DOCK2: variants seen among roughly 807,000 people sequenced by gnomAD.
DOCK2 encodes the protein dedicator of cytokinesis protein 2.
DOCK2 carries 87 observed loss-of-function variants against 248.9 expected under a neutral mutation model. The observed-to-expected ratio is 0.35, with a 90% CI of 0.29 to 0.42. The LOEUF is 0.42. DOCK2 is among the 10% of genes least tolerant of loss of function. The pLI is 1.00. For missense variants in DOCK2, 1,747 were observed against 2,300.2 expected (o/e 0.76, Z 4.92); for synonymous variants, 805 against 821.6 (o/e 0.98, Z 0.35).
At chr5:170,026,462 A>C (rs1419113345) in intron 33 of DOCK2, among the ~76,000 whole-genome samples, 1 of 152,156 alleles carries the variant, frequency 6.6e-6, no homozygotes. Context: ...GGGTGTAAAG[A>C]GGTCAAGTTA....
intron 17 of DOCK2, 77 bp from the exon 18 acceptor site, chr5:169,713,951 A>C: frequency 1.4e-6 from 2 of 1,460,022 alleles, no homozygotes; most frequent in South Asian, 3.0e-5. Context: ...CACAGTGTCT[A>C]ATTTGTCTGC....
intron 26 of DOCK2, among the ~76,000 whole-genome samples, chr5:169,813,964 G>A (rs968818193): frequency 1.3e-5 from 2 of 152,202 alleles, no homozygotes; most frequent in African/African-American, 2.4e-5. Context: ...TTGGCCTTAA[G>A]TAGGACATAA....
rs565564691 is a variant in DOCK2, at chr5:170,050,592, A to G, written c.4213+195A>G. ...TTTCTGGACTCTTCATGATCCTGGCATCTTGAGCTCTGTTTGCTTTGGAAA... is the reference window on the plus strand; with the variant it reads ...TTTCTGGACTCTTCATGATCCTGGCGTCTTGAGCTCTGTTTGCTTTGGAAA... On this transcript the variant is annotated intron_variant, in intron 41 of 51. Coordinates refer to ENST00000520908, the MANE Select transcript of DOCK2 (RefSeq NM_004946.3). Among the ~76,000 whole-genome samples the G allele has an allele frequency of 2.0e-5, 3 of 152,320 alleles. No individual in the cohort carries two copies. The South Asian group carries it at 6.2e-4, about 32-fold the overall frequency.
intron 27 of DOCK2, among the ~76,000 whole-genome samples, chr5:169,960,408 T>A (rs920166167): frequency 1.3e-5 from 2 of 152,222 alleles, no homozygotes; most frequent in African/African-American, 4.8e-5. Flanking sequence ...CCATTGATAA[T>A]ATTAATATGT....
intron 27 of DOCK2, among the ~76,000 whole-genome samples, chr5:169,864,099 G>T (rs1262318513): frequency 6.6e-6 from 1 of 152,322 alleles, no homozygotes; most frequent in East Asian, 1.9e-4. Context: ...GGTAAGGATC[G>T]TGGTCAGGTG....
intron 25 of DOCK2, among the ~76,000 whole-genome samples, chr5:169,778,385 T>C (rs555770366): frequency 1.5e-4 from 23 of 152,304 alleles, no homozygotes; most frequent in Non-Finnish European, 3.2e-4. Context: ...TTCTTATAAA[T>C]ATTGGTTGGG....
intron 6 of DOCK2, among the ~76,000 whole-genome samples, chr5:169,678,958 T>C (rs1266964617): frequency 6.6e-6 from 1 of 151,994 alleles, no homozygotes. Context: ...ATGTGGGAGA[T>C]GAGAGGTTGA....
chr5:170,035,379 C>A (rs60696759), intron 35 of DOCK2, among the ~76,000 whole-genome samples: 3,421 of 152,274 alleles, frequency 0.022, 56 homozygotes, highest in African/African-American at 0.043. Flanking sequence ...GTGTGGCCTC[C>A]CTTTACCCTA....
At chr5:169,655,409 G>T (rs1325698705) in intron 2 of DOCK2, among the ~76,000 whole-genome samples, 1 of 152,208 alleles carries the variant, frequency 6.6e-6, no homozygotes, top group Non-Finnish European at 1.5e-5. Flanking sequence ...CCCTGGGGAG[G>T]GAGTGACGGT....
intron 27 of DOCK2, among the ~76,000 whole-genome samples, chr5:169,899,174 A>G (rs1773781967): frequency 6.6e-6 from 1 of 152,224 alleles, no homozygotes; most frequent in Non-Finnish European, 1.5e-5. Context: ...ATGTTAGCAA[A>G]GAGGAGAATG....
chr5:170,052,766 G>A (rs1020501011), intron 41 of DOCK2, among the ~76,000 whole-genome samples: 20 of 152,040 alleles, frequency 1.3e-4, no homozygotes, highest in African/African-American at 4.6e-4. Flanking sequence ...CATTTTACAC[G>A]CATTGTTGTT....
intron 27 of DOCK2, among the ~76,000 whole-genome samples, chr5:169,920,751 C>A (rs1775128499): frequency 6.6e-6 from 1 of 152,174 alleles, no homozygotes; most frequent in African/African-American, 2.4e-5. Flanking sequence ...ATAGCTGGAA[C>A]TTGGCCCTTC....
intron 45 of DOCK2, among the ~76,000 whole-genome samples, chr5:170,068,708 C>T (rs1403152497): frequency 1.3e-5 from 2 of 152,186 alleles, no homozygotes; most frequent in East Asian, 1.9e-4. Context: ...CAGTGAGATT[C>T]CTTACTGAAT....
intron 25 of DOCK2, among the ~76,000 whole-genome samples, chr5:169,784,722 T>G (rs1188263442): frequency 6.6e-6 from 1 of 152,234 alleles, no homozygotes; most frequent in Non-Finnish European, 1.5e-5. Flanking sequence ...TTAATATAAG[T>G]GTTTATTTTT....
At chr5:169,728,148 G>T (rs73318247) in intron 22 of DOCK2, among the ~76,000 whole-genome samples, 14,046 of 152,234 alleles carry the variant, frequency 0.092, 1,214 homozygotes, top group Admixed American at 0.28. Context: ...GGACTTTCTG[G>T]TCCATTTGAC....
chr5:169,994,642 A>G (rs1778290960), intron 29 of DOCK2, among the ~76,000 whole-genome samples: 1 of 152,210 alleles, frequency 6.6e-6, no homozygotes. Context: ...ACTTTCAGAG[A>G]TGAGAAGGCA....
At chr5:169,900,732 A>G (rs1032488606) in intron 27 of DOCK2, among the ~76,000 whole-genome samples, 1 of 152,158 alleles carries the variant, frequency 6.6e-6, no homozygotes, top group Non-Finnish European at 1.5e-5. Context: ...GTTGCCCACT[A>G]TCTTTCAATA....
chr5:170,056,291 T>A (rs1757128895), intron 42 of DOCK2: 1 of 163,022 alleles, frequency 6.1e-6, no homozygotes, highest in Non-Finnish European at 1.3e-5. Flanking sequence ...TCAGGGAGAC[T>A]GATTTAGGGG....
chr5:169,724,636 G>C (rs555279092), intron 22 of DOCK2, among the ~76,000 whole-genome samples: 1 of 152,058 alleles, frequency 6.6e-6, no homozygotes, highest in Admixed American at 6.6e-5. Flanking sequence ...GCAGCTCAGC[G>C]ACGCCTCCAG....
Sources: allele counts gnomAD v4.1 joint callset (sites outside exome capture counted in the v4.1 genomes callset), GRCh38; gene constraint gnomAD v4.1.1; transcripts MANE v1.5; gene names NCBI Gene and HGNC (gene_info 2026-07-23, HGNC 2026-07-21).